Variants in SLC4A2 observed in about 807,000 individuals in gnomAD.
SLC4A2 encodes the protein anion exchange protein 2.
In SLC4A2, 36 loss-of-function variants were observed where a neutral mutation model predicts 115.0. The ratio of observed to expected loss-of-function variants is 0.31; its 90% CI spans 0.24 to 0.41. The LOEUF is 0.41. Ranked by LOEUF, SLC4A2 falls within the 10% of genes least tolerant of loss-of-function variation. The pLI is 1.00. For synonymous variants in SLC4A2, 708 were observed against 708.3 expected (o/e 1.00, Z 0.01); for missense variants, 1,252 against 1,705.6 (o/e 0.73, Z 4.68).
Position 151,074,182 on chromosome 7 carries a change from G to T in SLC4A2, c.2679G>T (p.Lys893Asn), listed in dbSNP as rs748934380. ...TGGCTGGGCAGTCTGGGCAGGGGAA[G>T]CCCCGGGGCCAGCCCAACACGGCCC... ...RSLAGQSGQG[K>N]PRGQPNTALL... The change falls in exon 17 of 23, where the codon AAG (lysine) becomes AAT (asparagine). Residue 893 changes from lysine to asparagine, a missense_variant. Lys to Asn is a moderately conservative substitution (Grantham distance 94). Around this residue, in one of 14 missense-constraint regions of SLC4A2, gnomAD observed 55 missense variants for 48.6 expected, o/e 1.13. Coordinates refer to ENST00000413384, the MANE Select transcript of SLC4A2 (RefSeq NM_003040.4). 35 of 1,612,852 alleles carry T rather than the reference G, an allele frequency of 2.2e-5. No homozygotes were observed. The highest frequency in any genetic ancestry group is 2.5e-6 in the Non-Finnish European group (3 of 1,179,996).
At chr7:151,073,384 G>A (rs1021888994) in intron 16 of SLC4A2, among the ~76,000 whole-genome samples, 20 of 151,876 alleles carry the variant, frequency 1.3e-4, no homozygotes, top group Admixed American at 9.8e-4. Context: ...AGGTTCAAGC[G>A]ATTCTCCTGC....
chr7:151,072,194 G>C, intron 16 of SLC4A2, 58 bp downstream of exon 16: 3 of 1,485,772 alleles, frequency 2.0e-6, no homozygotes, highest in Non-Finnish European at 2.8e-6. Context: ...GGGCTGGAGG[G>C]AGTCTCTTGG....
chr7:151,069,791 G>C (rs1170676065), intron 8 of SLC4A2, among the ~76,000 whole-genome samples, 156 bp from the exon 9 acceptor site: 1 of 152,200 alleles, frequency 6.6e-6, no homozygotes, highest in African/African-American at 2.4e-5. Context: ...GTAGGCTCCT[G>C]TGGGAGCCAG....
Position 151,074,847 on chromosome 7 carries a change from T to A in SLC4A2, c.3047+6T>A. On this transcript the variant is annotated splice_donor_region_variant and intron_variant, in intron 19 of 22. Coordinates refer to ENST00000413384, the MANE Select transcript of SLC4A2 (RefSeq NM_003040.4). ...ATGGAGACACAGATCACCACGTGAG[T>A]GGTCCTAGCCAAAGGGGTGTGAGAG... 6.2e-7 allele frequency: 1 copy of A among 1,601,732 alleles called. No homozygotes were observed. Among genetic ancestry groups the A allele is most frequent in the Non-Finnish European group, 8.5e-7 (1 of 1,174,270 alleles).
rs759880319 is a variant in SLC4A2, at chr7:151,070,038, C to T, written c.1239C>T (p.Ala413=). 2.5e-5 allele frequency: 40 copies of T among 1,613,978 alleles called. No homozygotes were observed. The Middle Eastern group carries it at 4.9e-4, about 20-fold the overall frequency. ...EQMVISDQIK[A]EDRANVLRAL... ...TGGTCATCTCTGACCAGATCAAGGC[C>T]GAGGACAGGGCCAACGTGCTGCGGG... is the stretch of plus-strand genomic sequence containing the variant. Residue 413 remains alanine (A), a synonymous_variant, in exon 9 of 23, where the codon GCC becomes GCT. Coordinates refer to ENST00000413384, the MANE Select transcript of SLC4A2 (RefSeq NM_003040.4).
intron 1 of SLC4A2, 194 bp from the exon 2 acceptor site, chr7:151,061,731 C>G (rs13240966): frequency 0.17 from 83,197 of 489,892 alleles, 8,292 homozygotes; most frequent in South Asian, 0.25. Flanking sequence ...CGGCCCCCCT[C>G]GCCTCAGTCC....
chr7:151,072,863 C>A (rs1395740865), intron 16 of SLC4A2, among the ~76,000 whole-genome samples: 4 of 152,080 alleles, frequency 2.6e-5, no homozygotes, highest in African/African-American at 9.6e-5. Flanking sequence ...GGGGTTTTAC[C>A]ATGTTGGCCA....
chr7:151,069,728 C>G lies in SLC4A2; in HGVS notation c.1148-219C>G, dbSNP rs962760766. 3.9e-5 allele frequency among the ~76,000 whole-genome samples: 6 copies of G among 151,924 alleles called. No individual in the cohort carries two copies. In the East Asian group the frequency reaches 1.2e-3, roughly 29 times the overall value. On this transcript the variant is annotated intron_variant, in intron 8 of 22. Coordinates refer to ENST00000413384, the MANE Select transcript of SLC4A2 (RefSeq NM_003040.4). Reference sequence around the variant, plus strand: ...AGGTTCAGTAGTCTCTGTGGAGCCTCATAACGTTCCTGGGGGTCTGGGGGA... The same window carrying G: ...AGGTTCAGTAGTCTCTGTGGAGCCTGATAACGTTCCTGGGGGTCTGGGGGA...
chr7:151,070,924 C>T lies in SLC4A2; in HGVS notation c.1749+13C>T. The T allele has an allele frequency of 1.2e-6, 2 of 1,611,102 alleles. No homozygotes were observed. The highest frequency in any genetic ancestry group is 1.7e-6 in the Non-Finnish European group (2 of 1,179,504). ...CATGTCAGACAAGGTCAGCTACCCT[C>T]CTCCTCTGGGCCCTGCTTCCTGGAG... On this transcript the variant is annotated intron_variant, in intron 12 of 22. Coordinates refer to ENST00000413384, the MANE Select transcript of SLC4A2 (RefSeq NM_003040.4).
chr7:151,065,848 G>A (rs1797210526), intron 5 of SLC4A2, among the ~76,000 whole-genome samples: 2 of 152,170 alleles, frequency 1.3e-5, no homozygotes, highest in Non-Finnish European at 2.9e-5. Flanking sequence ...CTGATGTTGA[G>A]TCAGAGCTTG....
At chr7:151,075,087 T>A in intron 19 of SLC4A2, 168 bp from the exon 20 acceptor site, 1 of 1,069,594 alleles carries the variant, frequency 9.3e-7, no homozygotes, top group South Asian at 1.4e-5. Context: ...CGATAAGGGC[T>A]GGGGGCCCAG....
intron 7 of SLC4A2, 65 bp downstream of exon 7, chr7:151,067,058 C>A: frequency 1.4e-6 from 2 of 1,466,280 alleles, no homozygotes; most frequent in South Asian, 2.7e-5. Context: ...ACCTCTCAGA[C>A]CAGCTGTAAT....
At chr7:151,066,463 G>C in intron 5 of SLC4A2, 54 bp from the exon 6 acceptor site, 1 of 1,455,066 alleles carries the variant, frequency 6.9e-7, no homozygotes, top group Non-Finnish European at 9.0e-7. Context: ...GTGGGTGCTG[G>C]GCGTGGGGGA....
At position 151,071,332 on chromosome 7, in the gene SLC4A2, C is replaced by CGAG; in HGVS notation, c.1975+37_1975+39dup. On this transcript the variant is annotated intron_variant, in intron 13 of 22. Coordinates refer to ENST00000413384, the MANE Select transcript of SLC4A2 (RefSeq NM_003040.4). This position sits in a 1 kb window ranked among gnomAD's most constrained non-coding sequence, Gnocchi z 5.5. ...GGGCGGGCTGGGGCCAGGGCTGCCT[C>CGAG]GAGGGGGTGAGGTGGGCAAGAGGGG... The CGAG allele has an allele frequency of 1.3e-6, 2 of 1,542,628 alleles. No homozygotes were observed. The highest frequency in any genetic ancestry group is 1.7e-6 in the Non-Finnish European group (2 of 1,146,956).
rs765331375 is a variant in SLC4A2 at position 151,076,324 on chromosome 7, G to A, written c.3683G>A (p.Arg1228Gln). ...ANEAEPVFDE[R>Q]EGVDEYNEMP... ...GAGGCAGAGCCGGTGTTTGATGAGCGGGAGGGTGTGGACGAGTACAATGAG... is the reference window on the plus strand; with the variant it reads ...GAGGCAGAGCCGGTGTTTGATGAGCAGGAGGGTGTGGACGAGTACAATGAG... Residue 1228 changes from arginine (R) to glutamine (Q), a missense_variant, in exon 23 of 23, where the codon CGG (arginine) becomes CAG (glutamine). Transcript: ENST00000413384. 6.5e-6 allele frequency: 10 copies of A among 1,543,680 alleles called. No individual in the cohort carries two copies. The highest frequency in any genetic ancestry group is 2.7e-5 in the African/African-American group (2 of 72,852).
intron 2 of SLC4A2, among the ~76,000 whole-genome samples, 160 bp downstream of exon 2, chr7:151,062,198 G>C (rs141413890): frequency 8.5e-5 from 13 of 152,256 alleles, no homozygotes; most frequent in Admixed American, 2.0e-4. Flanking sequence ...ATGGTCGTAG[G>C]GGGGGATGGG....
chr7:151,059,759 G>C lies in SLC4A2; in HGVS notation c.-67G>C, dbSNP rs1796987097. The C allele has an allele frequency of 6.6e-6, 1 of 151,074 alleles. No homozygotes were observed. The highest frequency in any genetic ancestry group is 6.6e-5 in the Admixed American group (1 of 15,222). 9.4% of individuals were successfully genotyped at this position (151,074 alleles called of 1,614,324 possible). A position where few individuals can be genotyped will look rare whatever the true frequency, so the allele number is the denominator to read the frequency against. On this transcript the variant is annotated 5_prime_UTR_variant, in exon 1 of 23. Transcript: ENST00000413384. This position sits in a 1 kb window ranked among gnomAD's most constrained non-coding sequence, Gnocchi z 5.8. ...CCCCGGGGCACGAAGTCCAGAGCGAGCGGGTAGGCGGAGAGGTGGTGGCGG... is the reference window on the plus strand; with the variant it reads ...CCCCGGGGCACGAAGTCCAGAGCGACCGGGTAGGCGGAGAGGTGGTGGCGG...
intron 16 of SLC4A2, among the ~76,000 whole-genome samples, chr7:151,073,527 C>A (rs909836900): frequency 5.7e-4 from 87 of 152,278 alleles, no homozygotes; most frequent in African/African-American, 2.0e-3. Flanking sequence ...CCTCGGCCTC[C>A]CAAAGTGCTA....
rs35739768 is a variant in SLC4A2, at chr7:151,074,634, T to C, written c.2881-41T>C. The C allele has an allele frequency of 1.1e-3, 1,738 of 1,578,502 alleles. 40 individuals carry two copies. The East Asian group carries it at 0.036, about 33-fold the overall frequency. On this transcript the variant is annotated intron_variant, in intron 18 of 22. Transcript: ENST00000413384. ...CCCTTTCCATGGCATGCCCTCCACA[T>C]TCACCTTAACCCTTGTCCCTACACT...
Sources: gnomAD v4.1 joint callset for allele counts (sites outside exome capture counted in the v4.1 genomes callset) on GRCh38, gnomAD v4.1.1 for gene constraint, gnomAD v4.1.1 regional missense constraint, Gnocchi (gnomAD v3.1) non-coding constraint, MANE v1.5 for transcripts, NCBI Gene and HGNC (gene_info 2026-07-23, HGNC 2026-07-21) for gene names.